Variants in DLG2 observed in about 807,000 individuals in gnomAD.
DLG2 encodes the protein disks large homolog 2.
Under a neutral mutation model 132.5 loss-of-function variants are expected in DLG2, and 45 were observed. The observed-to-expected ratio is 0.34, with a 90% confidence interval of 0.27 to 0.44. The LOEUF (loss-of-function observed/expected upper bound fraction) is 0.44. Ranked by LOEUF, DLG2 falls within the 20% of genes least tolerant of loss-of-function variation. The pLI is 1.00. For missense variants in DLG2, 1,045 were observed against 1,196.9 expected, an observed-to-expected ratio of 0.87 and a Z score of 1.87; for synonymous variants, 424 against 419.6, an observed-to-expected ratio of 1.01 and a Z score of -0.13.
rs768527445 is a variant in DLG2, at chr11:85,172,824, G to A, written c.187-18173C>T. 4.6e-5 allele frequency among the ~76,000 whole-genome samples: 7 copies of A among 152,092 alleles called. No individual in the cohort carries two copies. In the East Asian group the frequency reaches 5.8e-4, roughly 13 times the overall value. On this transcript the variant is annotated intron_variant, in intron 4 of 27. Coordinates refer to ENST00000376104, the MANE Select transcript of DLG2 (RefSeq NM_001142699.3). ...AAACAACACAAGAATGTTACAATGC[G>A]ACCACAAGTATCAATAGCAGCATAG... is the stretch of plus-strand genomic sequence containing the variant.
intron 15 of DLG2, among the ~76,000 whole-genome samples, chr11:83,884,308 G>C (rs2067158446): frequency 6.6e-6 from 1 of 152,344 alleles, no homozygotes; most frequent in Middle Eastern, 3.4e-3. Flanking sequence ...ATCTGGCTCG[G>C]AGGGTCCTAC....
intron 6 of DLG2, among the ~76,000 whole-genome samples, chr11:84,822,245 C>T (rs2077789226): frequency 6.6e-6 from 1 of 151,738 alleles, no homozygotes; most frequent in Non-Finnish European, 1.5e-5. Context: ...CTAATTAACT[C>T]CTCCTCCTAC....
intron 3 of DLG2, among the ~76,000 whole-genome samples, chr11:85,529,430 C>T (rs1368440214): frequency 6.6e-6 from 1 of 152,030 alleles, no homozygotes; most frequent in Non-Finnish European, 1.5e-5. Flanking sequence ...TTTTTAAATC[C>T]ATCCTAGAAA....
chr11:84,288,825 CATA>C (rs1429352206), intron 7 of DLG2, among the ~76,000 whole-genome samples: 22 of 152,198 alleles, frequency 1.4e-4, no homozygotes, highest in Non-Finnish European at 2.1e-4. Flanking sequence ...ACTATGTTGA[CATA>C]ATTAAAAGTC....
intron 6 of DLG2, among the ~76,000 whole-genome samples, chr11:85,040,747 G>A (rs1376330583): frequency 6.6e-6 from 1 of 151,776 alleles, no homozygotes; most frequent in Admixed American, 6.6e-5. Context: ...ATTTACCTAT[G>A]TTGATTTGTT....
intron 18 of DLG2, among the ~76,000 whole-genome samples, chr11:83,667,616 T>C (rs2075866924): frequency 6.6e-6 from 1 of 152,174 alleles, no homozygotes; most frequent in African/African-American, 2.4e-5. Flanking sequence ...AGGAAATTAG[T>C]GATGTTCTCT....
rs985607240 is a variant in DLG2, at chr11:84,848,472, C to T, written c.357+263189G>A. 7.2e-5 allele frequency among the ~76,000 whole-genome samples: 11 copies of T among 152,018 alleles called. No individual in the cohort carries two copies. In the East Asian group the frequency reaches 1.2e-3, roughly 16 times the overall value. Reference sequence around the variant, plus strand: ...TTGCACCACTGCACTCCAGCATGTTCGACAGAGTGAGACTCCATCTCAGAA... The same window carrying T: ...TTGCACCACTGCACTCCAGCATGTTTGACAGAGTGAGACTCCATCTCAGAA... On this transcript the variant is annotated intron_variant, in intron 6 of 27. Transcript: ENST00000376104.
In DLG2 at chr11:85,021,227, G is replaced by A. The variant is rs2060036926; in HGVS notation, c.357+90434C>T. The A allele has an allele frequency of 3.2e-6, 4 of 1,267,512 alleles. No homozygotes were observed. In the South Asian group the frequency reaches 3.6e-5, roughly 11 times the overall value. 78.5% of individuals were successfully genotyped at this position (1,267,512 alleles called of 1,614,324 possible). ...CCTGATACACACTGACGTTTCGAGG[G>A]CACTACAGCCCGAGCAATAGGAGGA... On this transcript the variant is annotated intron_variant, in intron 6 of 27. Coordinates refer to ENST00000376104, the MANE Select transcript of DLG2 (RefSeq NM_001142699.3).
chr11:83,726,486 A>G (rs778139520), intron 18 of DLG2, among the ~76,000 whole-genome samples: 1 of 152,212 alleles, frequency 6.6e-6, no homozygotes, highest in Non-Finnish European at 1.5e-5. Flanking sequence ...CATTTATTTT[A>G]TGATTGGTTA....
At chr11:84,579,188 C>CGTGTGT (rs140667305) in intron 6 of DLG2, among the ~76,000 whole-genome samples, 13,531 of 145,538 alleles carry the variant, frequency 0.093, 649 homozygotes, top group South Asian at 0.11. Flanking sequence ...GCATTATTCA[C>CGTGTGT]GTGTGTGTGT....
intron 18 of DLG2, among the ~76,000 whole-genome samples, chr11:83,666,923 A>G (rs564368102): frequency 1.3e-5 from 2 of 152,248 alleles, no homozygotes; most frequent in South Asian, 2.1e-4. Flanking sequence ...CAGATCTTAA[A>G]CAACACCATA....
chr11:85,365,321 T>C (rs546683406), intron 3 of DLG2, among the ~76,000 whole-genome samples: 6 of 152,208 alleles, frequency 3.9e-5, no homozygotes, highest in African/African-American at 1.4e-4. Context: ...AATTTATGAG[T>C]CTGATATTTA....
intron 6 of DLG2, chr11:84,720,953 G>A (rs1425274959): frequency 6.6e-6 from 1 of 152,176 alleles, no homozygotes; most frequent in African/African-American, 2.4e-5. Context: ...GGGGTGGGAG[G>A]AAGGGGCTGA....
chr11:84,773,934 C>T (rs185218387), intron 6 of DLG2, among the ~76,000 whole-genome samples: 85 of 152,056 alleles, frequency 5.6e-4, no homozygotes, highest in African/African-American at 1.8e-3. Context: ...TAAGTTGTAG[C>T]CAGAGTAATC....
chr11:85,387,483 G>A (rs2086440825), intron 3 of DLG2, among the ~76,000 whole-genome samples: 1 of 152,176 alleles, frequency 6.6e-6, no homozygotes, highest in African/African-American at 2.4e-5. Flanking sequence ...CACTCAATGT[G>A]TAACATTTTC....
At chr11:83,796,072 T>G (rs2042752303) in intron 17 of DLG2, among the ~76,000 whole-genome samples, 1 of 152,248 alleles carries the variant, frequency 6.6e-6, no homozygotes, top group Non-Finnish European at 1.5e-5. Context: ...AGATCTCTGC[T>G]TATTGGAACT....
chr11:84,630,546 T>C (rs1393039409), intron 6 of DLG2, among the ~76,000 whole-genome samples: 1 of 152,146 alleles, frequency 6.6e-6, no homozygotes, highest in Admixed American at 6.6e-5. Flanking sequence ...CTATAAAAAA[T>C]TTAAAAATAA....
intron 18 of DLG2, chr11:83,682,448 G>C: frequency 1.0e-6 from 1 of 985,254 alleles, no homozygotes; most frequent in Non-Finnish European, 1.2e-6. Flanking sequence ...AGCAGTGACA[G>C]TAATTGGTGT....
chr11:85,058,554 T>C (rs766315974), intron 6 of DLG2, among the ~76,000 whole-genome samples: 1 of 151,470 alleles, frequency 6.6e-6, no homozygotes, highest in African/African-American at 2.4e-5. Flanking sequence ...GAAATGTATA[T>C]GGAAATGCAA....
Sources: gnomAD v4.1 joint callset for allele counts (sites outside exome capture counted in the v4.1 genomes callset) on GRCh38, gnomAD v4.1.1 for gene constraint, MANE v1.5 for transcripts, NCBI Gene and HGNC (gene_info 2026-07-23, HGNC 2026-07-21) for gene names.